PLCH1: variants seen among roughly 807,000 people sequenced by gnomAD.
PLCH1 encodes 1-phosphatidylinositol 4,5-bisphosphate phosphodiesterase eta-1.
PLCH1 carries 60 observed loss-of-function variants against 126.7 expected under a neutral mutation model. The ratio of observed to expected loss-of-function variants is 0.47; its 90% CI spans 0.38 to 0.59. The LOEUF is 0.59. PLCH1 is among the 20% of genes least tolerant of loss of function. The pLI is 0.00. For missense variants in PLCH1, 1,723 were observed against 2,040.0 expected (o/e 0.84, Z 2.99); for synonymous variants, 719 against 734.9 (o/e 0.98, Z 0.35).
At chr3:155,669,608 C>A (rs891228461) in intron 2 of PLCH1, among the ~76,000 whole-genome samples, 1 of 152,028 alleles carries the variant, frequency 6.6e-6, no homozygotes. Context: ...ATTTTCTGGC[C>A]TTTTCATTTT....
chr3:155,490,790 C>T lies in PLCH1; in HGVS notation c.2386G>A (p.Asp796Asn), dbSNP rs1319169735. ...CCKDQTRVVDDNGFNPVWEET... is the reference protein window; with the variant it reads ...CCKDQTRVVDNNGFNPVWEET... Reference sequence around the variant, plus strand: ...ACACAGATTACCATCTTACCATTGTCATCTACCACACGGGTTTGATCTTTA... The same window carrying T: ...ACACAGATTACCATCTTACCATTGTTATCTACCACACGGGTTTGATCTTTA... Residue 796 changes from aspartate (D) to asparagine (N), a missense_variant, in exon 19 of 23, where the codon GAC becomes AAC. Around this residue, in one of 2 missense-constraint regions of PLCH1, gnomAD observed 776 missense variants for 1,062.9 expected, o/e 0.73. Transcript: ENST00000460012. 2 of 1,544,472 alleles carry T rather than the reference C, an allele frequency of 1.3e-6. No individual in the cohort carries two copies. The highest frequency in any genetic ancestry group is 1.7e-5 in the Admixed American group (1 of 59,774).
chr3:155,714,939 T>C (rs926675365), intron 1 of PLCH1, among the ~76,000 whole-genome samples: 1 of 152,252 alleles, frequency 6.6e-6, no homozygotes, highest in African/African-American at 2.4e-5. Context: ...AGAATTAGGT[T>C]GCTAGTAAAA....
At chr3:155,542,309 G>T (rs999209736) in intron 10 of PLCH1, among the ~76,000 whole-genome samples, 1 of 152,234 alleles carries the variant, frequency 6.6e-6, no homozygotes, top group Admixed American at 6.5e-5. Flanking sequence ...AGATCAAACT[G>T]CAAGGCAGCA....
intron 2 of PLCH1, among the ~76,000 whole-genome samples, chr3:155,640,248 G>T (rs143996804): frequency 3.3e-5 from 5 of 152,342 alleles, no homozygotes; most frequent in Non-Finnish European, 5.9e-5. Flanking sequence ...GGAGGTCAGA[G>T]CTGGGCAGGA....
rs1294726153 is a variant in PLCH1 at position 155,542,199 on chromosome 3, G to A, written c.1362+7588C>T. On this transcript the variant is annotated intron_variant, in intron 10 of 22. Transcript: ENST00000460012. ...TCCCACCCCAATACTGCGCTTTTCC[G>A]ACGGGCTTAAAAAACGGCGCACCAG... Among the ~76,000 whole-genome samples the A allele has an allele frequency of 5.9e-5, 9 of 152,284 alleles. No homozygotes were observed. The South Asian group carries it at 6.2e-4, about 11-fold the overall frequency.
intron 21 of PLCH1, among the ~76,000 whole-genome samples, chr3:155,472,854 A>G (rs1310791125): frequency 6.6e-6 from 1 of 151,794 alleles, no homozygotes; most frequent in Admixed American, 6.6e-5. Flanking sequence ...TAGATGCAGA[A>G]AAAGCCTTTG....
chr3:155,739,134 G>C (rs1376682530), intron 1 of PLCH1, among the ~76,000 whole-genome samples: 2 of 152,112 alleles, frequency 1.3e-5, no homozygotes, highest in East Asian at 3.8e-4. Context: ...GCAGTTTTAG[G>C]AGCACCAAAA....
intron 15 of PLCH1, among the ~76,000 whole-genome samples, chr3:155,495,079 GTCAAAACCTAT>G: frequency 6.6e-6 from 1 of 152,056 alleles, no homozygotes; most frequent in African/African-American, 2.4e-5. Flanking sequence ...TATGGAACAA[GTCAAAACCTAT>G]TTGGGAGAAA....
At chr3:155,669,420 A>C (rs1743162760) in intron 2 of PLCH1, among the ~76,000 whole-genome samples, 1 of 152,182 alleles carries the variant, frequency 6.6e-6, no homozygotes, top group Non-Finnish European at 1.5e-5. Context: ...CTCTAAAAAA[A>C]TACAAAAATT....
chr3:155,721,786 G>A (rs1747962699), intron 1 of PLCH1, among the ~76,000 whole-genome samples: 1 of 152,110 alleles, frequency 6.6e-6, no homozygotes, highest in Admixed American at 6.5e-5. Context: ...AGTAGCTGAT[G>A]CTTGTAATCC....
intron 1 of PLCH1, among the ~76,000 whole-genome samples, chr3:155,727,081 C>T (rs369604356): frequency 4.0e-5 from 6 of 151,648 alleles, no homozygotes; most frequent in Non-Finnish European, 8.8e-5. Flanking sequence ...TTCATTCACT[C>T]TCTTATTTTT....
At chr3:155,668,956 T>C (rs16825229) in intron 2 of PLCH1, among the ~76,000 whole-genome samples, 18,616 of 152,158 alleles carry the variant, frequency 0.12, 1,251 homozygotes, top group South Asian at 0.2. Context: ...CTTCATCCAT[T>C]GTATTCTTCC....
chr3:155,520,835 T>C (rs1481705691), intron 11 of PLCH1, among the ~76,000 whole-genome samples: 1 of 152,230 alleles, frequency 6.6e-6, no homozygotes, highest in African/African-American at 2.4e-5. Flanking sequence ...TAATATGTGG[T>C]AGAAGCTTAA....
chr3:155,615,527 A>C (rs938127186), intron 2 of PLCH1, among the ~76,000 whole-genome samples: 3 of 152,194 alleles, frequency 2.0e-5, no homozygotes, highest in Admixed American at 2.0e-4. Flanking sequence ...AAAATATGGA[A>C]CCAGCCCAAA....
intron 2 of PLCH1, among the ~76,000 whole-genome samples, chr3:155,641,954 A>G (rs1739448033): frequency 6.6e-6 from 1 of 152,200 alleles, no homozygotes; most frequent in Non-Finnish European, 1.5e-5. Context: ...GAAGGTTGGC[A>G]TACTAAAAAA....
intron 10 of PLCH1, among the ~76,000 whole-genome samples, chr3:155,530,717 C>G (rs1344682170): frequency 1.3e-5 from 2 of 152,088 alleles, no homozygotes; most frequent in Admixed American, 6.5e-5. Flanking sequence ...TGTTGACCTC[C>G]TCAAAAAAAA....
chr3:155,641,168 A>G (rs1163603976), intron 2 of PLCH1, among the ~76,000 whole-genome samples: 1 of 151,892 alleles, frequency 6.6e-6, no homozygotes, highest in Admixed American at 6.6e-5. Context: ...CACCTGGAAT[A>G]CATGTTTAAT....
At chr3:155,684,476 C>T (rs1744781736) in intron 2 of PLCH1, among the ~76,000 whole-genome samples, 1 of 152,094 alleles carries the variant, frequency 6.6e-6, no homozygotes. Flanking sequence ...CTCCTGAGAA[C>T]AGGAAACGGG....
intron 3 of PLCH1, 102 bp downstream of exon 3, chr3:155,596,130 A>G (rs1732951218): frequency 1.2e-6 from 1 of 825,726 alleles, no homozygotes; most frequent in South Asian, 1.9e-5. Flanking sequence ...CAAACTTATA[A>G]AAGTATAAAA....
Sources: allele counts gnomAD v4.1 joint callset (sites outside exome capture counted in the v4.1 genomes callset), GRCh38; gene constraint gnomAD v4.1.1; regional missense constraint gnomAD v4.1.1; transcripts MANE v1.5; gene names NCBI Gene and HGNC (gene_info 2026-07-23, HGNC 2026-07-21).